SLC8A1: variants seen among roughly 807,000 people sequenced by gnomAD.
The protein encoded by SLC8A1 is solute carrier family 8 member A1.
In SLC8A1, 18 loss-of-function variants were observed where a neutral mutation model predicts 68.3. The ratio of observed to expected loss-of-function variants is 0.26; its 90% CI spans 0.18 to 0.39. The LOEUF (loss-of-function observed/expected upper bound fraction) is 0.39. Among genes scored for constraint, SLC8A1 ranks in the 10% least tolerant of loss-of-function variants. SLC8A1 has a pLI of 1.00. For synonymous variants in SLC8A1, 475 were observed against 415.5 expected, an observed-to-expected ratio of 1.14 and a Z score of -1.74; for missense variants, 985 against 1,156.7, an observed-to-expected ratio of 0.85 and a Z score of 2.15.
chr2:40,220,103 C>G (rs1449626728), intron 2 of SLC8A1: 1 of 149,242 alleles, frequency 6.7e-6, no homozygotes, highest in Non-Finnish European at 1.5e-5. Flanking sequence ...AACTGGCTAG[C>G]AATGGGCATG....
At chr2:40,324,039 C>A (rs954209184) in intron 2 of SLC8A1, among the ~76,000 whole-genome samples, 1 of 150,486 alleles carries the variant, frequency 6.6e-6, no homozygotes, top group Middle Eastern at 3.4e-3. Context: ...GGGGGGGGGG[C>A]TGTTAACAAT....
chr2:40,288,842 T>TATATATAC, intron 2 of SLC8A1, among the ~76,000 whole-genome samples: 2 of 143,726 alleles, frequency 1.4e-5, no homozygotes, highest in African/African-American at 5.5e-5. Flanking sequence ...ATCATATATA[T>TATATATAC]ATATATATAT....
intron 1 of SLC8A1, among the ~76,000 whole-genome samples, chr2:40,499,627 CAG>C (rs1374919529): frequency 2.0e-5 from 3 of 152,078 alleles, no homozygotes; most frequent in African/African-American, 7.2e-5. Context: ...CACTTCCCAT[CAG>C]AGTTTATGGG....
At chr2:40,501,993 A>C (rs1706087517) in intron 1 of SLC8A1, among the ~76,000 whole-genome samples, 1 of 152,022 alleles carries the variant, frequency 6.6e-6, no homozygotes, top group Non-Finnish European at 1.5e-5. Flanking sequence ...CATCATCTCT[A>C]GACGTCTTAA....
exon 8 of SLC8A1, chr2:40,103,793 T>C (rs1344302040): frequency 6.6e-6 from 1 of 152,196 alleles, no homozygotes. Context: ...ACCGTGCACA[T>C]GGAATTATTT....
intron 2 of SLC8A1, among the ~76,000 whole-genome samples, chr2:40,365,791 A>G (rs986352547): frequency 2.6e-4 from 40 of 152,044 alleles, no homozygotes; most frequent in African/African-American, 9.4e-4. Context: ...GCTTGAGGCC[A>G]GGAGTTCAAG....
intron 2 of SLC8A1, among the ~76,000 whole-genome samples, chr2:40,380,750 AG>A (rs1286294591): frequency 6.6e-6 from 1 of 152,074 alleles, no homozygotes; most frequent in Non-Finnish European, 1.5e-5. Flanking sequence ...ACTGGATCTG[AG>A]GGGGCTTTTC....
chr2:40,162,649 C>G lies in SLC8A1; in HGVS notation c.2062-1785G>C, dbSNP rs186185383. Reference sequence around the variant, plus strand: ...GACTTAATTTTCATATGTATCCTTCCTTGACCTATGGGAAAAATGGGAGTG... The same window carrying G: ...GACTTAATTTTCATATGTATCCTTCGTTGACCTATGGGAAAAATGGGAGTG... On this transcript the variant is annotated intron_variant, in intron 5 of 7. Transcript: ENST00000406785. Among the ~76,000 whole-genome samples the G allele has an allele frequency of 8.6e-4, 131 of 152,276 alleles. 3 individuals carry two copies. The highest frequency in any genetic ancestry group is 3.0e-3 in the African/African-American group (126 of 41,540).
intron 2 of SLC8A1, among the ~76,000 whole-genome samples, chr2:40,393,417 A>G (rs1685933540): frequency 6.6e-6 from 1 of 152,114 alleles, no homozygotes; most frequent in Non-Finnish European, 1.5e-5. Context: ...TTATAATGTG[A>G]TATTTACAGG....
chr2:40,439,415 A>C (rs1344344379), intron 1 of SLC8A1, among the ~76,000 whole-genome samples: 1 of 152,086 alleles, frequency 6.6e-6, no homozygotes, highest in Non-Finnish European at 1.5e-5. Context: ...TCTTCAAATG[A>C]CAAGTTCTTT....
intron 1 of SLC8A1, among the ~76,000 whole-genome samples, chr2:40,495,738 A>G (rs1705653018): frequency 1.3e-5 from 2 of 152,028 alleles, no homozygotes; most frequent in African/African-American, 2.4e-5. Context: ...TCAATGACTG[A>G]ATTTACATGT....
intron 1 of SLC8A1, among the ~76,000 whole-genome samples, chr2:40,464,329 G>A (rs561675307): frequency 6.6e-5 from 10 of 152,274 alleles, no homozygotes; most frequent in East Asian, 1.9e-4. Flanking sequence ...TAGAGACAAC[G>A]CATTTCATAA....
intron 1 of SLC8A1, among the ~76,000 whole-genome samples, chr2:40,503,723 A>G (rs1706190346): frequency 6.6e-6 from 1 of 152,088 alleles, no homozygotes; most frequent in South Asian, 2.1e-4. Flanking sequence ...ACATAAAATT[A>G]AATACCTAGG....
chr2:40,496,961 T>G (rs1395435230), intron 1 of SLC8A1, among the ~76,000 whole-genome samples: 1 of 147,314 alleles, frequency 6.8e-6, no homozygotes, highest in Non-Finnish European at 1.5e-5. Flanking sequence ...CATTGGGAGA[T>G]ATACCTAATG....
chr2:40,406,719 A>G (rs12614757), intron 2 of SLC8A1, among the ~76,000 whole-genome samples: 43,585 of 152,064 alleles, frequency 0.29, 6,333 homozygotes, highest in South Asian at 0.5. Context: ...AGGAAGCAAC[A>G]TGGTCCTGCA....
At chr2:40,172,448 C>T (rs918756244) in intron 4 of SLC8A1, among the ~76,000 whole-genome samples, 1 of 151,894 alleles carries the variant, frequency 6.6e-6, no homozygotes, top group Non-Finnish European at 1.5e-5. Flanking sequence ...GAACTAACTA[C>T]ATGAAATGAT....
chr2:40,107,703 C>T (rs944140173), exon 8 of SLC8A1: 3 of 152,078 alleles, frequency 2.0e-5, no homozygotes, highest in African/African-American at 7.2e-5. Context: ...CAAAGGATAT[C>T]TGATACTAGG....
intron 2 of SLC8A1, among the ~76,000 whole-genome samples, chr2:40,389,304 T>G (rs994862725): frequency 6.6e-6 from 1 of 152,046 alleles, no homozygotes; most frequent in African/African-American, 2.4e-5. Context: ...TCACGGTAAG[T>G]GTCCTACATA....
intron 2 of SLC8A1, among the ~76,000 whole-genome samples, chr2:40,373,761 G>T (rs987462277): frequency 6.6e-6 from 1 of 151,996 alleles, no homozygotes; most frequent in African/African-American, 2.4e-5. Flanking sequence ...TTCATGTAAG[G>T]CTTAATGGCA....
Sources: gnomAD v4.1 joint callset for allele counts (sites outside exome capture counted in the v4.1 genomes callset) on GRCh38, gnomAD v4.1.1 for gene constraint, MANE v1.5 for transcripts, NCBI Gene and HGNC (gene_info 2026-07-23, HGNC 2026-07-21) for gene names.